Variants in PUM2 observed in about 807,000 individuals in gnomAD.
The protein encoded by PUM2 is pumilio RNA binding family member 2, also known as pumilio homolog 2.
A neutral mutation model predicts 124.5 loss-of-function variants in PUM2; 57 were observed. The observed-to-expected ratio is 0.46, with a 90% CI of 0.37 to 0.57. PUM2 has a LOEUF of 0.57. PUM2 is among the 20% of genes least tolerant of loss of function. The probability of loss-of-function intolerance (pLI) is 0.00; values close to 1 mark genes in which losing one functional copy is unlikely to be tolerated. For missense variants in PUM2, 1,065 were observed against 1,290.6 expected (o/e 0.83, Z 2.68); for synonymous variants, 460 against 446.1 (o/e 1.03, Z -0.39).
Position 20,283,620 on chromosome 2 carries a change from T to C in PUM2, c.1292-134A>G. The C allele has an allele frequency of 2.3e-6, 2 of 856,900 alleles. 1 individual carries two copies. The highest frequency in any genetic ancestry group is 4.0e-5 in the South Asian group (2 of 50,134). 53.1% of individuals were successfully genotyped at this position (856,900 alleles called of 1,614,324 possible). On this transcript the variant is annotated intron_variant, in intron 10 of 20. Transcript: ENST00000361078. ...ATTACTATAAAATCCTTAGTTAATA[T>C]ATGCAAAGCAACACATTTGACAAGG...
At chr2:20,272,688 TTTC>T (rs1350479390) in intron 13 of PUM2, among the ~76,000 whole-genome samples, 1 of 152,214 alleles carries the variant, frequency 6.6e-6, no homozygotes, top group Non-Finnish European at 1.5e-5. Context: ...AGCTTATCAA[TTTC>T]TTTTTAAAAC....
intron 7 of PUM2, among the ~76,000 whole-genome samples, chr2:20,305,083 C>CT (rs1057428641): frequency 1.1e-4 from 17 of 152,168 alleles, no homozygotes; most frequent in African/African-American, 4.1e-4. Flanking sequence ...ACTATGCTTT[C>CT]TAGGTTTTCA....
intron 13 of PUM2, among the ~76,000 whole-genome samples, chr2:20,272,579 T>C (rs765334686): frequency 1.3e-5 from 2 of 152,260 alleles, no homozygotes; most frequent in African/African-American, 4.8e-5. Flanking sequence ...TGTAGCTTTC[T>C]AAGTTCTGGT....
intron 1 of PUM2, among the ~76,000 whole-genome samples, chr2:20,337,126 G>A (rs902028965): frequency 5.9e-5 from 9 of 151,768 alleles, no homozygotes; most frequent in African/African-American, 1.9e-4. Context: ...ATTTTGAAGC[G>A]GGGGAAGCAG....
intron 5 of PUM2, among the ~76,000 whole-genome samples, chr2:20,309,120 A>C (rs557098449): frequency 7.2e-5 from 11 of 152,188 alleles, no homozygotes; most frequent in Non-Finnish European, 1.5e-4. Flanking sequence ...TGTGGGATGC[A>C]ACAGGAAAAG....
At position 20,302,658 on chromosome 2, in the gene PUM2, C is replaced by T. The variant is rs530493266; in HGVS notation, c.884-4980G>A. 3.9e-5 allele frequency among the ~76,000 whole-genome samples: 6 copies of T among 152,290 alleles called. No individual in the cohort carries two copies. The East Asian group carries it at 1.2e-3, about 29-fold the overall frequency. On this transcript the variant is annotated intron_variant, in intron 7 of 20. Coordinates refer to ENST00000361078, the MANE Select transcript of PUM2 (RefSeq NM_015317.5). ...CATACATTTTGAGTCCAGTACCACA[C>T]TATTTTAATTGTCATAGTAATTGTT...
intron 10 of PUM2, among the ~76,000 whole-genome samples, chr2:20,286,475 A>C (rs1372600443): frequency 6.6e-6 from 1 of 152,208 alleles, no homozygotes; most frequent in Non-Finnish European, 1.5e-5. Flanking sequence ...ATTTACTAAC[A>C]TGAGATTGTT....
intron 2 of PUM2, among the ~76,000 whole-genome samples, chr2:20,320,111 C>T (rs1251730239): frequency 6.6e-6 from 1 of 152,044 alleles, no homozygotes; most frequent in Non-Finnish European, 1.5e-5. Flanking sequence ...ACTAAAAATA[C>T]AAAAATTAGC....
At chr2:20,345,218 TTCCCACCTCAG>T (rs953323542) in intron 1 of PUM2, among the ~76,000 whole-genome samples, 50 of 151,276 alleles carry the variant, frequency 3.3e-4, no homozygotes, top group Non-Finnish European at 4.4e-5. Context: ...TCCCACCTCA[TTCCCACCTCAG>T]CCTCCCAAAT....
intron 15 of PUM2, among the ~76,000 whole-genome samples, chr2:20,259,139 A>G (rs188185424): frequency 6.6e-6 from 1 of 152,400 alleles, no homozygotes; most frequent in Admixed American, 6.5e-5. Context: ...CTGTAAAATA[A>G]CACACATCTA....
At chr2:20,271,448 G>A (rs1382958189) in intron 13 of PUM2, among the ~76,000 whole-genome samples, 3 of 151,912 alleles carry the variant, frequency 2.0e-5, no homozygotes, top group South Asian at 2.1e-4. Context: ...CAAGTGGCTG[G>A]GACTACAGGC....
chr2:20,284,304 C>CA (rs1002464751), intron 10 of PUM2, among the ~76,000 whole-genome samples: 3 of 152,138 alleles, frequency 2.0e-5, no homozygotes, highest in Non-Finnish European at 4.4e-5. Context: ...TATAAAGCGA[C>CA]AAAAAACTGA....
At chr2:20,305,614 C>A (rs1678066408) in intron 7 of PUM2, among the ~76,000 whole-genome samples, 1 of 151,456 alleles carries the variant, frequency 6.6e-6, no homozygotes, top group Non-Finnish European at 1.5e-5. Context: ...GAAATACTAG[C>A]AAATTGAAAG....
intron 3 of PUM2, among the ~76,000 whole-genome samples, chr2:20,314,420 GA>G (rs1326582181): frequency 6.6e-6 from 1 of 152,092 alleles, no homozygotes; most frequent in African/African-American, 2.4e-5. Flanking sequence ...CTTTTGCAAT[GA>G]AAAGTAAAGG....
intron 7 of PUM2, among the ~76,000 whole-genome samples, chr2:20,303,442 T>G (rs181689956): frequency 0.02 from 3,033 of 151,400 alleles, 54 homozygotes; most frequent in Middle Eastern, 0.037. Flanking sequence ...CAAGTTTTTT[T>G]TTTTTTTTTT....
At position 20,283,124 on chromosome 2, in the gene PUM2, T is replaced by G. The variant is rs1671928945; in HGVS notation, c.1543A>C (p.Ser515Arg). ...QPPQQQQQQP[S>R]TNLQSNSFYG... ...AATGAATTAGATTGCAGATTAGTGC[T>G]TGGCTGCTGTTGCTGCTGCTGTGGT... is the stretch of plus-strand genomic sequence containing the variant. The change falls in exon 12 of 21, where the codon AGC becomes CGC. Residue 515 changes from serine to arginine, a missense_variant. Ser to Arg is a moderately radical substitution (Grantham distance 110, BLOSUM62 -1). This residue lies in a region of PUM2 where 968 missense variants were observed against 1,159.8 expected (regional missense o/e 0.83). Transcript: ENST00000361078. The G allele has an allele frequency of 6.2e-7, 1 of 1,614,164 alleles. No individual in the cohort carries two copies. Among genetic ancestry groups the G allele is most frequent in the Non-Finnish European group, 8.5e-7 (1 of 1,180,036 alleles).
intron 7 of PUM2, among the ~76,000 whole-genome samples, chr2:20,307,246 A>G (rs2148521079): frequency 6.6e-6 from 1 of 152,158 alleles, no homozygotes; most frequent in Non-Finnish European, 1.5e-5. Flanking sequence ...TGAAAAATAA[A>G]AATTAGGGCT....
rs150435968 is a variant in PUM2, at chr2:20,272,934, A to G, written c.1957+5649T>C. ...ACTCCAGTGAAAATATTCTCTACAT[A>G]TAAGAAACAACTTTTCAAAGCCATT... On this transcript the variant is annotated intron_variant, in intron 13 of 20. Transcript: ENST00000361078. Among the ~76,000 whole-genome samples the G allele has an allele frequency of 1.3e-3, 191 of 152,326 alleles. 1 individual carries two copies. In the East Asian group the frequency reaches 0.031, roughly 25 times the overall value.
intron 13 of PUM2, among the ~76,000 whole-genome samples, chr2:20,266,843 C>A (rs1444162488): frequency 1.3e-5 from 2 of 151,786 alleles, no homozygotes; most frequent in Non-Finnish European, 2.9e-5. Flanking sequence ...ATCTCCCTTT[C>A]TCTTTCTTAT....
Sources: gnomAD v4.1 joint callset for allele counts (sites outside exome capture counted in the v4.1 genomes callset) on GRCh38, gnomAD v4.1.1 for gene constraint, gnomAD v4.1.1 regional missense constraint, MANE v1.5 for transcripts, NCBI Gene and HGNC (gene_info 2026-07-23, HGNC 2026-07-21) for gene names.